Variants in NTM observed in about 807,000 individuals in gnomAD.
The protein encoded by NTM is neurotrimin, also known as IgLON family member 2.
A neutral mutation model predicts 42.1 loss-of-function variants in NTM; 13 were observed. The observed-to-expected ratio is 0.31, with a 90% confidence interval of 0.20 to 0.49. The LOEUF is 0.49. Among genes scored for constraint, NTM ranks in the 20% least tolerant of loss-of-function variants. NTM has a pLI of 0.99. For missense variants in NTM, 373 were observed against 452.8 expected (o/e 0.82, Z 1.60); for synonymous variants, 187 against 179.2 (o/e 1.04, Z -0.35).
intron 1 of NTM, among the ~76,000 whole-genome samples, chr11:131,565,365 T>G (rs997971773): frequency 1.3e-5 from 2 of 152,194 alleles, no homozygotes; most frequent in Admixed American, 1.3e-4. Context: ...CAACCAATAT[T>G]GTTGGCCCAG....
In NTM at chr11:132,003,372, A is replaced by G. The variant is rs502251; in HGVS notation, c.167+91724A>G. Among the ~76,000 whole-genome samples, 89,307 of 151,488 alleles carry G rather than the reference A, an allele frequency of 0.59. 27,927 individuals are homozygous for G. Among genetic ancestry groups the G allele is most frequent in the Non-Finnish European group, 0.72 (48,856 of 67,926 alleles). On this transcript the variant is annotated intron_variant, in intron 2 of 8. Coordinates refer to ENST00000683400, the MANE Select transcript of NTM (RefSeq NM_001352005.2). The surrounding 1 kb of genome is among the most constrained non-coding windows in gnomAD (Gnocchi z 6.0). ...ATGATCCTCACACCTCAGCCTCCCT[A>G]GTAGCTGGGACCACAGGTGTGCACC...
At chr11:132,115,417 C>T (rs576706869) in intron 2 of NTM, among the ~76,000 whole-genome samples, 1 of 152,158 alleles carries the variant, frequency 6.6e-6, no homozygotes, top group Non-Finnish European at 1.5e-5. Flanking sequence ...CATGAGATTG[C>T]ACAACTTAAA....
chr11:131,407,124 A>C (rs1452700440), intron 1 of NTM, among the ~76,000 whole-genome samples: 1 of 152,156 alleles, frequency 6.6e-6, no homozygotes, highest in Non-Finnish European at 1.5e-5. Flanking sequence ...AGCCAGACCA[A>C]CTAACTCCAC....
intron 3 of NTM, among the ~76,000 whole-genome samples, chr11:132,187,337 C>G (rs2138178810): frequency 6.6e-6 from 1 of 152,140 alleles, no homozygotes; most frequent in Admixed American, 6.6e-5. Flanking sequence ...CTTCTCTATA[C>G]TCCCCTTCAT....
intron 1 of NTM, among the ~76,000 whole-genome samples, chr11:131,525,327 G>A (rs183816902): frequency 4.5e-4 from 69 of 152,294 alleles, no homozygotes; most frequent in African/African-American, 1.2e-3. Flanking sequence ...GCCGGAAATC[G>A]CATCCTGTAC....
intron 2 of NTM, among the ~76,000 whole-genome samples, chr11:132,119,467 C>T (rs2064413200): frequency 6.6e-6 from 1 of 152,188 alleles, no homozygotes; most frequent in Admixed American, 6.5e-5. Context: ...CCTCCACAGC[C>T]TGGGTTCAGC....
At chr11:132,328,017 T>C (rs760476876) in intron 7 of NTM, among the ~76,000 whole-genome samples, 1 of 152,162 alleles carries the variant, frequency 6.6e-6, no homozygotes, top group South Asian at 2.1e-4. Context: ...ATAGTCAAAA[T>C]GTTACTCAAA....
chr11:131,401,833 TA>T (rs1338689076), intron 1 of NTM, among the ~76,000 whole-genome samples: 5 of 98,676 alleles, frequency 5.1e-5, no homozygotes, highest in Non-Finnish European at 8.5e-5. Context: ...TATATATATA[TA>T]TATATATATA....
At chr11:131,955,249 G>T (rs1292336897) in intron 2 of NTM, among the ~76,000 whole-genome samples, 1 of 152,122 alleles carries the variant, frequency 6.6e-6, no homozygotes, top group Non-Finnish European at 1.5e-5. Context: ...TAGGTTTGCT[G>T]CTTGATAGGT....
intron 2 of NTM, among the ~76,000 whole-genome samples, chr11:132,070,815 T>G (rs2057485873): frequency 7.0e-6 from 1 of 142,402 alleles, no homozygotes; most frequent in Non-Finnish European, 1.5e-5. Flanking sequence ...CACAGGTTAG[T>G]TAACACGTCA....
chr11:131,447,823 A>G (rs1355041186), intron 1 of NTM, among the ~76,000 whole-genome samples: 1 of 152,204 alleles, frequency 6.6e-6, no homozygotes, highest in Non-Finnish European at 1.5e-5. Flanking sequence ...TTGGGCCTCC[A>G]GCACAGAGGC....
At chr11:132,244,050 T>G (rs1211343365) in intron 4 of NTM, among the ~76,000 whole-genome samples, 1 of 152,198 alleles carries the variant, frequency 6.6e-6, no homozygotes, top group Non-Finnish European at 1.5e-5. Context: ...CTAATTACAC[T>G]GCAGATCCGT....
At chr11:131,701,442 G>A (rs1224595725) in intron 1 of NTM, among the ~76,000 whole-genome samples, 1 of 152,136 alleles carries the variant, frequency 6.6e-6, no homozygotes, top group Admixed American at 6.6e-5. Context: ...ATAATTGGCT[G>A]CCCTAGAAGC....
At chr11:131,527,355 T>C (rs1242115400) in intron 1 of NTM, among the ~76,000 whole-genome samples, 2 of 152,236 alleles carry the variant, frequency 1.3e-5, no homozygotes, top group African/African-American at 4.8e-5. Context: ...TCTCTAGTTC[T>C]ATAACCAACA....
At chr11:132,182,111 C>T (rs990542343) in intron 3 of NTM, among the ~76,000 whole-genome samples, 3 of 151,952 alleles carry the variant, frequency 2.0e-5, no homozygotes, top group Non-Finnish European at 2.9e-5. Context: ...TAACTAATGC[C>T]ACCAACATAT....
chr11:131,908,318 A>G (rs1446150758), intron 1 of NTM, among the ~76,000 whole-genome samples: 1 of 152,242 alleles, frequency 6.6e-6, no homozygotes, highest in Non-Finnish European at 1.5e-5. Flanking sequence ...TCCATCTTAA[A>G]TGGATTTCTA....
At chr11:132,107,334 T>G (rs1187427767) in intron 2 of NTM, among the ~76,000 whole-genome samples, 1 of 149,586 alleles carries the variant, frequency 6.7e-6, no homozygotes, top group East Asian at 1.9e-4. Flanking sequence ...AGTAAAAGAT[T>G]TATCCTTTTT....
intron 4 of NTM, among the ~76,000 whole-genome samples, chr11:132,253,917 A>G (rs2092237059): frequency 6.6e-6 from 1 of 152,200 alleles, no homozygotes; most frequent in Non-Finnish European, 1.5e-5. Context: ...TGCAGAGGAC[A>G]TAGGAGCTCA....
intron 1 of NTM, among the ~76,000 whole-genome samples, chr11:131,501,755 G>C (rs2046859598): frequency 1.3e-5 from 2 of 152,174 alleles, no homozygotes; most frequent in Admixed American, 1.3e-4. Context: ...GATATGGAGG[G>C]AGTTAGAGAA....
Sources: gnomAD v4.1 joint callset for allele counts (sites outside exome capture counted in the v4.1 genomes callset) on GRCh38, gnomAD v4.1.1 for gene constraint, Gnocchi (gnomAD v3.1) non-coding constraint, MANE v1.5 for transcripts, NCBI Gene and HGNC (gene_info 2026-07-23, HGNC 2026-07-21) for gene names.